The following PAX5 variants were observed in gnomAD, a reference collection of about 807,000 sequenced individuals.
The protein encoded by PAX5 is paired box protein Pax-5.
In PAX5, 9 loss-of-function variants were observed where a neutral mutation model predicts 43.7. That is an observed-to-expected ratio of 0.21 (90% CI 0.12 to 0.36). The LOEUF is 0.36. Among genes scored for constraint, PAX5 ranks in the 10% least tolerant of loss-of-function variants. The pLI is 1.00. For synonymous variants in PAX5, 228 were observed against 214.3 expected (o/e 1.06, Z -0.56); for missense variants, 383 against 532.7 (o/e 0.72, Z 2.77).
chr9:36,892,851 G>T, intron 7 of PAX5, among the ~76,000 whole-genome samples: 1 of 152,214 alleles, frequency 6.6e-6, no homozygotes, highest in East Asian at 1.9e-4. Flanking sequence ...ACTACTAAGT[G>T]AACAGGCAAG....
intron 9 of PAX5, among the ~76,000 whole-genome samples, chr9:36,842,017 G>T (rs1473100340): frequency 6.6e-6 from 1 of 152,140 alleles, no homozygotes; most frequent in Admixed American, 6.5e-5. Flanking sequence ...GCCCTGATGA[G>T]CCGATGTGCT....
At chr9:36,972,202 G>A (rs1834972617) in intron 5 of PAX5, among the ~76,000 whole-genome samples, 1 of 152,224 alleles carries the variant, frequency 6.6e-6, no homozygotes, top group Admixed American at 6.5e-5. Flanking sequence ...CAGTTTCTCT[G>A]CAGAACCCAG....
intron 1 of PAX5, 74 bp downstream of exon 1, chr9:37,033,912 G>T: frequency 1.4e-6 from 2 of 1,417,716 alleles, no homozygotes; most frequent in Non-Finnish European, 2.0e-6. Flanking sequence ...CTCCTCCAGG[G>T]TCACCCTGCG....
intron 7 of PAX5, among the ~76,000 whole-genome samples, chr9:36,889,579 C>A (rs143140836): frequency 6.6e-6 from 1 of 152,216 alleles, no homozygotes; most frequent in African/African-American, 2.4e-5. Flanking sequence ...CTTATCCAAA[C>A]GGAGGCGTTC....
chr9:36,942,285 T>C (rs1259185880), intron 6 of PAX5, among the ~76,000 whole-genome samples: 1 of 152,248 alleles, frequency 6.6e-6, no homozygotes, highest in Non-Finnish European at 1.5e-5. Context: ...GGGGACACTG[T>C]TGTAAGACAG....
At chr9:36,998,151 C>G (rs1837547381) in intron 5 of PAX5, among the ~76,000 whole-genome samples, 1 of 152,212 alleles carries the variant, frequency 6.6e-6, no homozygotes, top group Non-Finnish European at 1.5e-5. Flanking sequence ...CTGCAGCTTC[C>G]TTTAACCAGC....
chr9:36,927,203 C>T (rs1196120188), intron 6 of PAX5, among the ~76,000 whole-genome samples: 1 of 152,124 alleles, frequency 6.6e-6, no homozygotes, highest in Non-Finnish European at 1.5e-5. Flanking sequence ...GCATCCCAGC[C>T]AAGAGTCAGC....
Position 36,922,017 on chromosome 9 carries a change from G to A in PAX5, c.910+1338C>T, listed in dbSNP as rs117419813. On this transcript the variant is annotated intron_variant, in intron 7 of 9. Transcript: ENST00000358127. ...CTAACGTCTCCCACCTCAGGCCTGG[G>A]TGCACTCCAGGCTCTTGGCCCACCT... Among the ~76,000 whole-genome samples, 17 of 152,262 alleles carry A rather than the reference G, an allele frequency of 1.1e-4. No homozygotes were observed. The East Asian group carries it at 2.5e-3, about 23-fold the overall frequency.
Position 36,965,428 on chromosome 9 carries a change from C to T in PAX5, c.780+1121G>A, listed in dbSNP as rs1459538451. Among the ~76,000 whole-genome samples, 5 of 152,174 alleles carry T rather than the reference C, an allele frequency of 3.3e-5. No homozygotes were observed. In the South Asian group the frequency reaches 6.2e-4, roughly 19 times the overall value. On this transcript the variant is annotated intron_variant, in intron 6 of 9. Transcript: ENST00000358127. ...CTGCCTCTCTGGACCTTGGTTTTAC[C>T]ATCTGAAAACAAAGTGGCTAGAAGG...
At chr9:36,959,062 G>A (rs11999312) in intron 6 of PAX5, among the ~76,000 whole-genome samples, 1,528 of 152,332 alleles carry the variant, frequency 0.01, 17 homozygotes, top group African/African-American at 0.035. Flanking sequence ...CATGGCTCCT[G>A]TGATGCAGAC....
At chr9:36,961,402 C>T (rs1833963330) in intron 6 of PAX5, among the ~76,000 whole-genome samples, 1 of 152,252 alleles carries the variant, frequency 6.6e-6, no homozygotes, top group Admixed American at 6.5e-5. Context: ...GTCTCTCTGT[C>T]TCTGGCCCAA....
intron 8 of PAX5, among the ~76,000 whole-genome samples, chr9:36,873,398 C>T (rs546737458): frequency 1.3e-5 from 2 of 152,324 alleles, no homozygotes; most frequent in East Asian, 1.9e-4. Flanking sequence ...TGCATTTCAT[C>T]GTAGCTGTGT....
Position 36,834,513 on chromosome 9 carries a change from C to T in PAX5, c.*6047G>A, listed in dbSNP as rs566022382. ...AGATTCTGAGGCTCTGAACTTTTTG[C>T]AGTGTTTAAAATAGACTCAGGATTT... On this transcript the variant is annotated 3_prime_UTR_variant, in exon 10 of 10. Transcript: ENST00000358127. The T allele has an allele frequency of 1.6e-4, 37 of 232,548 alleles. No homozygotes were observed. The South Asian group carries it at 6.4e-3, about 40-fold the overall frequency. The allele number at this position is 232,548 out of a possible 1,614,324, so 14.4% of individuals were successfully genotyped here. A position where few individuals can be genotyped will look rare whatever the true frequency, so the allele number is the denominator to read the frequency against.
At chr9:37,026,873 G>A (rs772883985) in intron 1 of PAX5, 1 of 270,072 alleles carries the variant, frequency 3.7e-6, no homozygotes, top group Non-Finnish European at 5.7e-6. Context: ...GGGTAGCTGC[G>A]GCCAAGGCGC....
At position 36,835,050 on chromosome 9, in the gene PAX5, C is replaced by A. The variant is rs536323124; in HGVS notation, c.*5510G>T. 1.8e-4 allele frequency: 41 copies of A among 233,352 alleles called. No homozygotes were observed. In the South Asian group the frequency reaches 6.3e-3, roughly 36 times the overall value. The allele number at this position is 233,352 out of a possible 1,614,324, so 14.5% of individuals were successfully genotyped here. The stretch of plus-strand genomic sequence containing the variant: ...CTCCTGCCACAGGCCAAGTACCCTA[C>A]CTGAGACGACTCCTTTGAGGCTTTG... On this transcript the variant is annotated 3_prime_UTR_variant, in exon 10 of 10. Coordinates refer to ENST00000358127, the MANE Select transcript of PAX5 (RefSeq NM_016734.3).
intron 5 of PAX5, among the ~76,000 whole-genome samples, chr9:36,984,877 A>T (rs1212074641): frequency 6.6e-6 from 1 of 152,124 alleles, no homozygotes; most frequent in African/African-American, 2.4e-5. Flanking sequence ...GTAGAGGGCA[A>T]TTTTTTCCCA....
rs1198767937 is a variant in PAX5 at position 36,982,553 on chromosome 9, T to C, written c.605-15829A>G. Among the ~76,000 whole-genome samples, 8 of 152,262 alleles carry C rather than the reference T, an allele frequency of 5.3e-5. No individual in the cohort carries two copies. The South Asian group carries it at 1.7e-3, about 32-fold the overall frequency. ...TGAAAGTCTAGAGACAGAAAGAACC[T>C]GTCCAGTGCAGGAGGATGGGGGGTC... On this transcript the variant is annotated intron_variant, in intron 5 of 9. Transcript: ENST00000358127.
intron 3 of PAX5, among the ~76,000 whole-genome samples, chr9:37,008,634 T>C (rs1183143124): frequency 1.3e-5 from 2 of 152,210 alleles, no homozygotes; most frequent in Non-Finnish European, 2.9e-5. Flanking sequence ...GTTCACCCTA[T>C]AGTCTCACCA....
chr9:36,855,497 T>C (rs1288416768), intron 8 of PAX5, among the ~76,000 whole-genome samples: 1 of 134,794 alleles, frequency 7.4e-6, no homozygotes, highest in African/African-American at 2.6e-5. Context: ...AATGGGCATG[T>C]ACAAATGACC....
Sources: gnomAD v4.1 joint callset for allele counts (sites outside exome capture counted in the v4.1 genomes callset) on GRCh38, gnomAD v4.1.1 for gene constraint, MANE v1.5 for transcripts, NCBI Gene and HGNC (gene_info 2026-07-23, HGNC 2026-07-21) for gene names.